Variants in NFKBID observed in about 807,000 individuals in gnomAD.
NFKBID encodes NFKB inhibitor delta, also known as NF-kappa-B inhibitor delta.
Under a neutral mutation model 53.4 loss-of-function variants are expected in NFKBID, and 26 were observed. That is an observed-to-expected ratio of 0.49 (90% CI 0.36 to 0.68). The LOEUF (loss-of-function observed/expected upper bound fraction) is 0.68, where lower values mean the gene tolerates loss of function less well. Ranked by LOEUF, NFKBID falls within the 30% of genes least tolerant of loss-of-function variation. The pLI, the probability that NFKBID is intolerant of heterozygous loss-of-function variation, is 0.00. For synonymous variants in NFKBID, 262 were observed against 259.8 expected, an observed-to-expected ratio of 1.01 and a Z score of -0.08; for missense variants, 493 against 614.1, an observed-to-expected ratio of 0.80 and a Z score of 2.08.
intron 9 of NFKBID, among the ~76,000 whole-genome samples, chr19:35,892,387 T>A (rs1463159162): frequency 1.3e-5 from 2 of 151,728 alleles, no homozygotes; most frequent in African/African-American, 2.4e-5. Context: ...TTATTATTAC[T>A]AAAAATACAA....
exon 11 of NFKBID, chr19:35,890,011 G>A (rs1250502416): frequency 1.2e-6 from 2 of 1,608,244 alleles, no homozygotes; most frequent in Admixed American, 3.3e-5. Flanking sequence ...GGCCGGCCCA[G>A]GGGGCAGGGC....
At chr19:35,891,363 AATG>A (rs1370792538) in intron 9 of NFKBID, among the ~76,000 whole-genome samples, 2 of 152,196 alleles carry the variant, frequency 1.3e-5, no homozygotes, top group Non-Finnish European at 2.9e-5. Context: ...TCGTCCAAAA[AATG>A]ATGAAGACAA....
intron 9 of NFKBID, 102 bp from the exon 10 acceptor site, chr19:35,890,592 G>GGTGGTTCACGCCT: frequency 2.4e-6 from 2 of 827,766 alleles, no homozygotes; most frequent in Non-Finnish European, 4.3e-6. Context: ...GGCGGAGTGC[G>GGTGGTTCACGCCT]GTGGTTCACG....
chr19:35,890,141 G>T, intron 10 of NFKBID, 87 bp from the exon 11 acceptor site: 1 of 1,350,534 alleles, frequency 7.4e-7, no homozygotes, highest in Non-Finnish European at 1.0e-6. Flanking sequence ...CCTTGTCTAC[G>T]TCCTACACTT....
At position 35,892,900 on chromosome 19, in the gene NFKBID, T is replaced by G. The variant is rs887047703; in HGVS notation, c.1033-2410A>C. 2.6e-5 allele frequency among the ~76,000 whole-genome samples: 4 copies of G among 152,236 alleles called. No individual in the cohort carries two copies. The South Asian group carries it at 8.3e-4, about 32-fold the overall frequency. On this transcript the variant is annotated intron_variant, in intron 9 of 11. Transcript: ENST00000641389. ...ATTATAGGTAGCTGGGCACAGCAGC[T>G]CACGCCTGTAATCCCAGCACTTGGG...
At chr19:35,895,361 G>A (rs944186036) in intron 9 of NFKBID, among the ~76,000 whole-genome samples, 35 of 150,854 alleles carry the variant, frequency 2.3e-4, no homozygotes, top group African/African-American at 5.4e-4. Context: ...GGTGGCGTGC[G>A]CCTATAGTCC....
exon 3 of NFKBID, chr19:35,898,513 G>A: frequency 2.0e-6 from 3 of 1,533,206 alleles, no homozygotes; most frequent in South Asian, 1.2e-5. Flanking sequence ...GGGCTGCTCT[G>A]GGGGAGGGAG....
intron 9 of NFKBID, among the ~76,000 whole-genome samples, chr19:35,892,006 C>T (rs941976089): frequency 6.6e-6 from 1 of 152,034 alleles, no homozygotes; most frequent in Non-Finnish European, 1.5e-5. Flanking sequence ...CCTTAGCCTC[C>T]CCAAGCACTG....
At chr19:35,888,962 T>C (rs2146928861) in intron 11 of NFKBID, among the ~76,000 whole-genome samples, 1 of 152,068 alleles carries the variant, frequency 6.6e-6, no homozygotes, top group African/African-American at 2.4e-5. Flanking sequence ...GGAGAATCAC[T>C]TGAACCTGGG....
chr19:35,899,915 G>A (rs575174006), intron 1 of NFKBID, among the ~76,000 whole-genome samples: 54 of 152,040 alleles, frequency 3.6e-4, no homozygotes, highest in African/African-American at 1.3e-3. Context: ...CGTGGCGCTC[G>A]TGGAATCCCC....
At chr19:35,890,178 G>C in intron 10 of NFKBID, 124 bp from the exon 11 acceptor site, 1 of 1,057,856 alleles carries the variant, frequency 9.5e-7, no homozygotes, top group Non-Finnish European at 1.4e-6. Flanking sequence ...GACCTCCCCC[G>C]GCCACAGCCA....
chr19:35,890,231 C>A, intron 10 of NFKBID, 143 bp downstream of exon 10: 1 of 839,002 alleles, frequency 1.2e-6, no homozygotes, highest in African/African-American at 1.7e-5. Flanking sequence ...TGTTCTGGGG[C>A]AATCTGTGTC....
intron 4 of NFKBID, 27 bp downstream of exon 4, chr19:35,897,624 G>C: frequency 8.3e-7 from 1 of 1,205,354 alleles, no homozygotes; most frequent in Non-Finnish European, 1.2e-6. Context: ...GGGCCCTTCA[G>C]CATCCTGTAC....
chr19:35,898,893 C>A (rs1975381320), intron 1 of NFKBID, 71 bp from the exon 2 acceptor site: 2 of 1,264,382 alleles, frequency 1.6e-6, no homozygotes, highest in Non-Finnish European at 2.2e-6. Flanking sequence ...GGGTGGCGCG[C>A]GGGGAGTGGG....
chr19:35,895,282 C>G (rs1975057241), intron 9 of NFKBID, among the ~76,000 whole-genome samples: 1 of 148,996 alleles, frequency 6.7e-6, no homozygotes, highest in South Asian at 2.1e-4. Context: ...TTGAGACCAG[C>G]CTGGCCAACA....
Position 35,890,573 on chromosome 19 carries a change from C to G in NFKBID, c.1033-83G>C, listed in dbSNP as rs764688171. 19 of 951,954 alleles carry G rather than the reference C, an allele frequency of 2.0e-5. No individual in the cohort carries two copies. In the African/African-American group the frequency reaches 2.6e-4, roughly 13 times the overall value. 59.0% of individuals were successfully genotyped at this position (951,954 alleles called of 1,614,324 possible). A position where few individuals can be genotyped will look rare whatever the true frequency, so the allele number is the denominator to read the frequency against. On this transcript the variant is annotated intron_variant, in intron 9 of 11. Transcript: ENST00000641389. ...CAGAATCCAGGAGTCTTTAAAGACC[C>G]TGACCCTTGGCGGAGTGCGGTGGTT... is the stretch of plus-strand genomic sequence containing the variant.
chr19:35,893,234 T>C (rs1205101788), intron 9 of NFKBID, among the ~76,000 whole-genome samples: 1 of 152,240 alleles, frequency 6.6e-6, no homozygotes. Context: ...CTACATCATA[T>C]GTGTCCAAAA....
chr19:35,900,668 C>A (rs1480790568), upstream of NFKBID: 4 of 1,227,786 alleles, frequency 3.3e-6, no homozygotes, highest in Non-Finnish European at 4.1e-6. Context: ...CCTGAATGGG[C>A]GCGGCGGACT....
chr19:35,895,862 G>T, intron 9 of NFKBID, 118 bp downstream of exon 9: 1 of 883,098 alleles, frequency 1.1e-6, no homozygotes, highest in Non-Finnish European at 1.8e-6. Context: ...GAAGTAACAT[G>T]TTCAAGGGCA....
Sources: allele counts gnomAD v4.1 joint callset (sites outside exome capture counted in the v4.1 genomes callset), GRCh38; gene constraint gnomAD v4.1.1; transcripts MANE v1.5; gene names NCBI Gene and HGNC (gene_info 2026-07-23, HGNC 2026-07-21).